Variants in PPFIA2 observed in about 807,000 individuals in gnomAD.
PPFIA2 encodes the protein liprin-alpha-2.
In PPFIA2, 46 loss-of-function variants were observed where a neutral mutation model predicts 175.5. The observed-to-expected ratio is 0.26, with a 90% CI of 0.21 to 0.34. PPFIA2 has a LOEUF of 0.34. Ranked by LOEUF, PPFIA2 falls within the 10% of genes least tolerant of loss-of-function variation. PPFIA2 has a pLI of 1.00. For synonymous variants in PPFIA2, 568 were observed against 511.4 expected (o/e 1.11, Z -1.49); for missense variants, 1,179 against 1,506.1 (o/e 0.78, Z 3.60).
At chr12:81,330,456 A>C (rs1455069070) in intron 21 of PPFIA2, among the ~76,000 whole-genome samples, 1 of 152,156 alleles carries the variant, frequency 6.6e-6, no homozygotes, top group African/African-American at 2.4e-5. Flanking sequence ...TTACTATGAC[A>C]TACATATTCT....
chr12:81,733,443 T>C (rs1057509384), intron 3 of PPFIA2, among the ~76,000 whole-genome samples: 1 of 151,624 alleles, frequency 6.6e-6, no homozygotes, highest in Non-Finnish European at 1.5e-5. Flanking sequence ...TAAAATTTTG[T>C]TAAGAGGGTA....
At chr12:81,339,568 T>C (rs1300234541) in intron 20 of PPFIA2, among the ~76,000 whole-genome samples, 5 of 152,094 alleles carry the variant, frequency 3.3e-5, no homozygotes, top group African/African-American at 4.8e-5. Flanking sequence ...TCTTTTTTTC[T>C]TTACTTTTTT....
In PPFIA2 at chr12:81,704,835, G is replaced by A. The variant is rs1241507960; in HGVS notation, c.250-27991C>T. On this transcript the variant is annotated intron_variant, in intron 3 of 32. Transcript: ENST00000549396. ...ACGGTGGCTCATACCTGTAATCCCA[G>A]CACTTTGGGAGGCCGAGGCAGGTGG... Among the ~76,000 whole-genome samples the A allele has an allele frequency of 4.0e-5, 6 of 151,892 alleles. No homozygotes were observed. In the South Asian group the frequency reaches 1.2e-3, roughly 32 times the overall value.
intron 7 of PPFIA2, among the ~76,000 whole-genome samples, chr12:81,427,662 C>G (rs61934730): frequency 0.039 from 5,897 of 152,066 alleles, 157 homozygotes; most frequent in Non-Finnish European, 0.062. Context: ...GTACTACTAT[C>G]ATTTCATTTT....
intron 10 of PPFIA2, among the ~76,000 whole-genome samples, chr12:81,374,970 A>G (rs180912025): frequency 1.3e-5 from 2 of 152,302 alleles, no homozygotes; most frequent in East Asian, 3.9e-4. Context: ...CATTAAAACA[A>G]TGAAGAAGCT....
intron 4 of PPFIA2, among the ~76,000 whole-genome samples, chr12:81,622,486 T>C (rs1171187063): frequency 2.0e-5 from 3 of 152,132 alleles, no homozygotes; most frequent in Admixed American, 2.0e-4. Flanking sequence ...GCTCAAGATA[T>C]AAGGCATATA....
intron 4 of PPFIA2, among the ~76,000 whole-genome samples, chr12:81,637,852 A>G (rs1318181533): frequency 1.3e-5 from 2 of 152,160 alleles, no homozygotes; most frequent in Non-Finnish European, 2.9e-5. Context: ...ACAAAAAAGC[A>G]CAGTTTCAAA....
chr12:81,663,720 C>T (rs1043360886), intron 4 of PPFIA2, among the ~76,000 whole-genome samples: 1 of 152,104 alleles, frequency 6.6e-6, no homozygotes, highest in Non-Finnish European at 1.5e-5. Context: ...AAAAAGAGCC[C>T]ACATTGCCAA....
intron 4 of PPFIA2, among the ~76,000 whole-genome samples, chr12:81,564,228 C>T (rs2070817834): frequency 6.6e-6 from 1 of 152,114 alleles, no homozygotes; most frequent in South Asian, 2.1e-4. Context: ...AATAGCACTT[C>T]AAAAGCAGAG....
At chr12:81,470,669 A>G (rs1482953386) in intron 4 of PPFIA2, among the ~76,000 whole-genome samples, 1 of 152,218 alleles carries the variant, frequency 6.6e-6, no homozygotes, top group Non-Finnish European at 1.5e-5. Flanking sequence ...AAACAATCCA[A>G]ATGTTCAACA....
chr12:81,403,799 C>T (rs939396642), intron 8 of PPFIA2, among the ~76,000 whole-genome samples: 2 of 152,056 alleles, frequency 1.3e-5, no homozygotes, highest in African/African-American at 2.4e-5. Flanking sequence ...GACAGGCCAC[C>T]GTGCATGCAG....
At chr12:81,418,746 C>G (rs542036978) in intron 7 of PPFIA2, among the ~76,000 whole-genome samples, 30 of 151,978 alleles carry the variant, frequency 2.0e-4, no homozygotes, top group African/African-American at 7.0e-4. Context: ...AAAGTCAGAA[C>G]TATAACTAAA....
intron 4 of PPFIA2, among the ~76,000 whole-genome samples, chr12:81,577,463 A>C (rs1209703072): frequency 6.6e-6 from 1 of 151,936 alleles, no homozygotes; most frequent in African/African-American, 2.4e-5. Flanking sequence ...CATAATAGGA[A>C]ATATAACCAT....
At chr12:81,639,547 AAT>A (rs1053982464) in intron 4 of PPFIA2, among the ~76,000 whole-genome samples, 3 of 151,362 alleles carry the variant, frequency 2.0e-5, no homozygotes, top group Admixed American at 6.6e-5. Context: ...CGGTAAAAAA[AAT>A]ATATATATAT....
intron 4 of PPFIA2, among the ~76,000 whole-genome samples, chr12:81,492,358 G>C (rs1185255326): frequency 1.3e-5 from 2 of 152,046 alleles, no homozygotes; most frequent in African/African-American, 4.8e-5. Flanking sequence ...AGTCAAAACA[G>C]ATCAAACTCC....
intron 4 of PPFIA2, among the ~76,000 whole-genome samples, chr12:81,561,302 C>A (rs1456277389): frequency 1.3e-5 from 2 of 152,116 alleles, no homozygotes; most frequent in Admixed American, 6.5e-5. Context: ...TCAGACATAA[C>A]ATTTCAATTA....
intron 4 of PPFIA2, among the ~76,000 whole-genome samples, chr12:81,592,085 A>T (rs988431750): frequency 6.6e-6 from 1 of 152,116 alleles, no homozygotes; most frequent in Non-Finnish European, 1.5e-5. Flanking sequence ...GTGAGACATG[A>T]AGTCAAAGGA....
At chr12:81,565,225 CCT>C (rs1445726227) in intron 4 of PPFIA2, among the ~76,000 whole-genome samples, 2 of 152,282 alleles carry the variant, frequency 1.3e-5, no homozygotes, top group East Asian at 3.9e-4. Context: ...GATGACCTCC[CCT>C]GAGGCAGTTG....
chr12:81,617,950 T>C (rs1316009533), intron 4 of PPFIA2, among the ~76,000 whole-genome samples: 1 of 152,184 alleles, frequency 6.6e-6, no homozygotes, highest in African/African-American at 2.4e-5. Context: ...GTAGAGGTGG[T>C]GTGGAGGGAC....
Sources: gnomAD v4.1 joint callset for allele counts (sites outside exome capture counted in the v4.1 genomes callset) on GRCh38, gnomAD v4.1.1 for gene constraint, MANE v1.5 for transcripts, NCBI Gene and HGNC (gene_info 2026-07-23, HGNC 2026-07-21) for gene names.